The following TBX5 variants were observed in gnomAD, a reference collection of about 807,000 sequenced individuals.
The protein encoded by TBX5 is T-box transcription factor TBX5.
Under a neutral mutation model 51.1 loss-of-function variants are expected in TBX5, and 8 were observed. That is an observed-to-expected ratio of 0.16 (90% CI 0.09 to 0.28). The LOEUF is 0.28. TBX5 is among the 10% of genes least tolerant of loss of function. The pLI is 1.00. For missense variants in TBX5, 589 were observed against 671.7 expected, an observed-to-expected ratio of 0.88 and a Z score of 1.36; for synonymous variants, 302 against 266.4, an observed-to-expected ratio of 1.13 and a Z score of -1.30.
chr12:114,386,195 G>A (rs1223929520), intron 6 of TBX5, among the ~76,000 whole-genome samples: 1 of 152,098 alleles, frequency 6.6e-6, no homozygotes, highest in Non-Finnish European at 1.5e-5. Context: ...AATGTCCTAA[G>A]CAAAGAAGAG....
At position 114,355,596 on chromosome 12, in the gene TBX5, G is replaced by T. The variant is rs1474068722; in HGVS notation, c.1493C>A (p.Ser498Tyr). 17 of 1,614,096 alleles carry T rather than the reference G, an allele frequency of 1.1e-5. No individual in the cohort carries two copies. The highest frequency in any genetic ancestry group is 1.7e-5 in the Admixed American group (1 of 60,010). The change falls in exon 9 of 9, where the codon TCC becomes TAC. Residue 498 changes from serine (S) to tyrosine (Y), a missense_variant. Physicochemically the swap from Ser to Tyr is moderately radical, Grantham distance 144 (BLOSUM62 -2). Transcript: ENST00000405440. ...LYSHGVPRTL[S>Y]PHQYHSVHGV... The stretch of plus-strand genomic sequence containing the variant: ...GTGCACAGAGTGGTACTGATGAGGG[G>T]ATAGAGTCCTTGGCACGCCATGAGA...
intron 2 of TBX5, among the ~76,000 whole-genome samples, chr12:114,402,266 C>T (rs940296151): frequency 6.6e-6 from 1 of 151,836 alleles, no homozygotes; most frequent in Non-Finnish European, 1.5e-5. Context: ...AAAAAACCAA[C>T]CAAACAAACA....
At chr12:114,408,184 C>A, upstream of TBX5, 1 of 985,384 alleles carries the variant, frequency 1.0e-6, no homozygotes, top group Non-Finnish European at 1.2e-6. Context: ...TCTCCGTCTT[C>A]GCCTATCAGT....
At chr12:114,377,577 C>A (rs1033064424) in intron 7 of TBX5, among the ~76,000 whole-genome samples, 1 of 142,288 alleles carries the variant, frequency 7.0e-6, no homozygotes, top group African/African-American at 2.6e-5. Flanking sequence ...TTTTTTTTAT[C>A]TTTTTCTTTT....
chr12:114,403,628 G>A (rs1345287747), intron 2 of TBX5, 124 bp downstream of exon 2: 3 of 1,401,504 alleles, frequency 2.1e-6, no homozygotes, highest in Admixed American at 2.2e-5. Context: ...GATTATAGTC[G>A]TTGGGTTCGT....
chr12:114,388,739 C>CT (rs36014296), intron 6 of TBX5, among the ~76,000 whole-genome samples: 53,875 of 96,776 alleles, frequency 0.56, 16,920 homozygotes, highest in Admixed American at 0.68. Flanking sequence ...CTCCCTCAAC[C>CT]TTTTTTTTTT....
At chr12:114,401,070 G>A (rs1277945512) in intron 3 of TBX5, among the ~76,000 whole-genome samples, 1 of 152,116 alleles carries the variant, frequency 6.6e-6, no homozygotes, top group East Asian at 1.9e-4. Context: ...ACGTCCCCAG[G>A]CCTGGGCGCG....
intron 6 of TBX5, among the ~76,000 whole-genome samples, chr12:114,387,933 C>T (rs1265495725): frequency 6.6e-6 from 1 of 152,120 alleles, no homozygotes; most frequent in Non-Finnish European, 1.5e-5. Flanking sequence ...AACTCCTGGG[C>T]TCATGCAATC....
chr12:114,355,341 A>C lies in TBX5; in HGVS notation c.*191T>G. 2 of 767,222 alleles carry C rather than the reference A, an allele frequency of 2.6e-6. No homozygotes were observed. Among genetic ancestry groups the C allele is most frequent in the Non-Finnish European group, 4.4e-6 (2 of 450,500 alleles). The allele number at this position is 767,222 out of a possible 1,614,324, so 47.5% of individuals were successfully genotyped here. A position where few individuals can be genotyped will look rare whatever the true frequency, so the allele number is the denominator to read the frequency against. ...TTTTGAGACAAAACAAGAAAGTCAC[A>C]TTTTTAAAATTGTGGTTTCAAGCTA... On this transcript the variant is annotated 3_prime_UTR_variant, in exon 9 of 9. Transcript: ENST00000405440.
chr12:114,396,720 A>G (rs2136413879), intron 5 of TBX5, among the ~76,000 whole-genome samples: 1 of 152,292 alleles, frequency 6.6e-6, no homozygotes, highest in South Asian at 2.1e-4. Context: ...CCCATCCTCC[A>G]GAAGGAGCCA....
chr12:114,369,779 T>C (rs924021573), intron 7 of TBX5, among the ~76,000 whole-genome samples: 2 of 152,156 alleles, frequency 1.3e-5, no homozygotes, highest in Non-Finnish European at 2.9e-5. Context: ...TCTCTAGAAA[T>C]ACAGGCAGCA....
At chr12:114,403,214 A>G (rs1871943313) in intron 2 of TBX5, among the ~76,000 whole-genome samples, 1 of 152,242 alleles carries the variant, frequency 6.6e-6, no homozygotes, top group Non-Finnish European at 1.5e-5. Context: ...CCAGCCAGCC[A>G]GGCCCCGACC....
chr12:114,391,705 A>C (rs1443017393), intron 6 of TBX5, among the ~76,000 whole-genome samples: 1 of 152,224 alleles, frequency 6.6e-6, no homozygotes, highest in East Asian at 1.9e-4. Flanking sequence ...GCTTCTACGC[A>C]TGAAGTCAGA....
At chr12:114,382,182 T>C (rs2551393) in intron 7 of TBX5, among the ~76,000 whole-genome samples, 88,932 of 151,878 alleles carry the variant, frequency 0.59, 26,673 homozygotes, top group Admixed American at 0.72. Context: ...GATGCGGTGC[T>C]GTGTGCCTGG....
chr12:114,394,638 G>A, intron 6 of TBX5, 103 bp downstream of exon 6: 1 of 1,529,734 alleles, frequency 6.5e-7, no homozygotes, highest in South Asian at 1.1e-5. Context: ...GTTGGTGACT[G>A]CTGCCATTCA....
At chr12:114,366,852 T>C (rs369966595) in intron 7 of TBX5, among the ~76,000 whole-genome samples, 1 of 152,192 alleles carries the variant, frequency 6.6e-6, no homozygotes, top group East Asian at 1.9e-4. Context: ...AACTGGTAGC[T>C]GACAACCTAG....
chr12:114,387,127 AAAAC>A (rs1870862524), intron 6 of TBX5, among the ~76,000 whole-genome samples: 1 of 120,802 alleles, frequency 8.3e-6, no homozygotes, highest in Non-Finnish European at 2.0e-5. Flanking sequence ...AAAAAACAAA[AAAAC>A]AAACAAACAA....
intron 7 of TBX5, among the ~76,000 whole-genome samples, chr12:114,370,983 G>C (rs1402022868): frequency 6.6e-6 from 1 of 151,880 alleles, no homozygotes; most frequent in Non-Finnish European, 1.5e-5. Context: ...GTGGAACGGG[G>C]ATGAGTGATA....
intron 8 of TBX5, 151 bp from the exon 9 acceptor site, chr12:114,356,257 T>C (rs1868911598): frequency 2.5e-6 from 2 of 794,462 alleles, no homozygotes; most frequent in South Asian, 1.5e-5. Flanking sequence ...GGGGGTTGGA[T>C]TGTAATGGTT....
Sources: gnomAD v4.1 joint callset for allele counts (sites outside exome capture counted in the v4.1 genomes callset) on GRCh38, gnomAD v4.1.1 for gene constraint, MANE v1.5 for transcripts, NCBI Gene and HGNC (gene_info 2026-07-23, HGNC 2026-07-21) for gene names.